CNOT11: variants seen among roughly 807,000 people sequenced by gnomAD.
CNOT11 encodes CCR4-NOT transcription complex subunit 11, also known as UPF0760 protein C2orf29.
In CNOT11, 18 loss-of-function variants were observed where a neutral mutation model predicts 44.6. The observed-to-expected ratio is 0.40, with a 90% CI of 0.28 to 0.60. CNOT11 has a LOEUF of 0.60. Among genes scored for constraint, CNOT11 ranks in the 20% least tolerant of loss-of-function variants. The pLI, the probability that CNOT11 is intolerant of heterozygous loss-of-function variation, is 0.38. For synonymous variants in CNOT11, 291 were observed against 270.9 expected (o/e 1.07, Z -0.73); for missense variants, 513 against 677.0 (o/e 0.76, Z 2.69).
At chr2:101,261,849 T>C (rs923364132) in intron 2 of CNOT11, among the ~76,000 whole-genome samples, 8 of 141,788 alleles carry the variant, frequency 5.6e-5, no homozygotes, top group Admixed American at 1.4e-4. Flanking sequence ...TCTTTCTTTT[T>C]TTTTTTTTTT....
At chr2:101,254,862 AAACACAC>A (rs1681703895) in intron 1 of CNOT11, among the ~76,000 whole-genome samples, 1 of 141,410 alleles carries the variant, frequency 7.1e-6, no homozygotes, top group South Asian at 2.3e-4. Flanking sequence ...GACAGCTTCT[AAACACAC>A]ACACACACAC....
At chr2:101,261,115 GAATTAT>G (rs1315045632) in intron 2 of CNOT11, among the ~76,000 whole-genome samples, 14 of 152,046 alleles carry the variant, frequency 9.2e-5, no homozygotes, top group Non-Finnish European at 1.8e-4. Context: ...CTTTTTAAAG[GAATTAT>G]AATTAAGTGA....
chr2:101,265,035 C>G lies in CNOT11; in HGVS notation c.1023C>G (p.Pro341=), dbSNP rs1279046276. 3 of 1,610,524 alleles carry G rather than the reference C, an allele frequency of 1.9e-6. No individual in the cohort carries two copies. Among genetic ancestry groups the G allele is most frequent in the Non-Finnish European group, 2.5e-6 (3 of 1,177,040 alleles). ...CCTTCAAAAGCCCCTTATCCTCTCCCCAACAAACACAGGTGTGTATTGATT... is the reference window on the plus strand; with the variant it reads ...CCTTCAAAAGCCCCTTATCCTCTCCGCAACAAACACAGGTGTGTATTGATT... The part of the protein sequence containing the change: ...AKAFKSPLSS[P]QQTQLLGELE... Residue 341 remains proline (P), a synonymous_variant, in exon 4 of 7, where the codon CCC becomes CCG. Transcript: ENST00000289382.
intron 5 of CNOT11, 40 bp downstream of exon 5, chr2:101,266,919 C>A: frequency 6.8e-7 from 1 of 1,460,132 alleles, no homozygotes; most frequent in Non-Finnish European, 9.6e-7. Flanking sequence ...GGGATAGATA[C>A]AGATTAGATG....
intron 2 of CNOT11, among the ~76,000 whole-genome samples, chr2:101,259,855 T>C (rs769221385): frequency 6.6e-6 from 1 of 151,764 alleles, no homozygotes; most frequent in Admixed American, 6.6e-5. Flanking sequence ...CTGGGCAACA[T>C]AGGGAGACCC....
At chr2:101,261,848 T>C (rs553197449) in intron 2 of CNOT11, among the ~76,000 whole-genome samples, 81 of 141,104 alleles carry the variant, frequency 5.7e-4, no homozygotes, top group Admixed American at 7.2e-4. Context: ...TTCTTTCTTT[T>C]TTTTTTTTTT....
At chr2:101,255,422 G>C (rs1013788619) in intron 1 of CNOT11, among the ~76,000 whole-genome samples, 5 of 152,044 alleles carry the variant, frequency 3.3e-5, no homozygotes, top group African/African-American at 1.2e-4. Flanking sequence ...GTGAACCTGG[G>C]AGGCGGAGCT....
intron 2 of CNOT11, among the ~76,000 whole-genome samples, chr2:101,260,978 C>A (rs945171275): frequency 6.6e-6 from 1 of 152,064 alleles, no homozygotes; most frequent in Non-Finnish European, 1.5e-5. Flanking sequence ...TCTAAGGCAT[C>A]TTTTCATATG....
Position 101,253,283 on chromosome 2 carries a change from G to T in CNOT11, c.319G>T (p.Val107Leu), listed in dbSNP as rs765244782. 6.2e-7 allele frequency: 1 copy of T among 1,611,664 alleles called. No individual in the cohort carries two copies. Among genetic ancestry groups the T allele is most frequent in the Non-Finnish European group, 8.5e-7 (1 of 1,179,628 alleles). Residue 107 changes from valine (V) to leucine (L), a missense_variant, in exon 1 of 7, where the codon GTG becomes TTG. Physicochemically the swap from Val to Leu is conservative, Grantham distance 32 (BLOSUM62 1). Around this residue, in one of 4 missense-constraint regions of CNOT11, gnomAD observed 259 missense variants for 265.7 expected, o/e 0.97. Coordinates refer to ENST00000289382, the MANE Select transcript of CNOT11 (RefSeq NM_017546.5). This position sits in a 1 kb window ranked among gnomAD's most constrained non-coding sequence, Gnocchi z 4.3. Reference sequence around the variant, plus strand: ...GGCCGACCACTTCCGCCTGGGCTCGGTGCTCGTCATGCTGCTCCAGCAGCC... The same window carrying T: ...GGCCGACCACTTCCGCCTGGGCTCGTTGCTCGTCATGCTGCTCCAGCAGCC... ...SKADHFRLGS[V>L]LVMLLQQPDL...
rs34000200 is a variant in CNOT11 at position 101,256,136 on chromosome 2, C to CAAA, written c.515-1643_515-1641dup. 4.5e-3 allele frequency among the ~76,000 whole-genome samples: 630 copies of CAAA among 138,644 alleles called. 2 individuals are homozygous for CAAA. The highest frequency in any genetic ancestry group is 0.016 in the African/African-American group (587 of 37,540). 91.0% of individuals were successfully genotyped at this position (138,644 alleles called of 152,430 possible). On this transcript the variant is annotated intron_variant, in intron 1 of 6. Coordinates refer to ENST00000289382, the MANE Select transcript of CNOT11 (RefSeq NM_017546.5). ...CCTGAGCAACAGAGTGAGACTGCCTCAAAAAAAAAAAAAATAGTGTAGAAG... is the reference window on the plus strand; with the variant it reads ...CCTGAGCAACAGAGTGAGACTGCCTCAAAAAAAAAAAAAAAAATAGTGTAGAAG...
chr2:101,253,290 T>A lies in CNOT11; in HGVS notation c.326T>A (p.Val109Asp), dbSNP rs1681665633. The change falls in exon 1 of 7, where the codon GTC becomes GAC. Residue 109 changes from valine to aspartate, a missense_variant. Coordinates refer to ENST00000289382, the MANE Select transcript of CNOT11 (RefSeq NM_017546.5). The surrounding 1 kb of genome is among the most constrained non-coding windows in gnomAD (Gnocchi z 4.3). The stretch of plus-strand genomic sequence containing the variant: ...CACTTCCGCCTGGGCTCGGTGCTCG[T>A]CATGCTGCTCCAGCAGCCCGACCTG... Reference protein sequence around the residue: ...ADHFRLGSVLVMLLQQPDLLP... With the variant: ...ADHFRLGSVLDMLLQQPDLLP... 2 of 1,611,092 alleles carry A rather than the reference T, an allele frequency of 1.2e-6. No homozygotes were observed. Among genetic ancestry groups the A allele is most frequent in the Non-Finnish European group, 1.7e-6 (2 of 1,179,532 alleles).
intron 2 of CNOT11, among the ~76,000 whole-genome samples, chr2:101,259,119 G>A (rs1318271129): frequency 6.6e-6 from 1 of 152,104 alleles, no homozygotes; most frequent in East Asian, 1.9e-4. Flanking sequence ...GCACAATATC[G>A]TGAGACCTGT....
chr2:101,264,429 A>G lies in CNOT11; in HGVS notation c.833-416A>G, dbSNP rs540431235. Reference sequence around the variant, plus strand: ...AAGATGCAAAGATAAAACTAGTACAAATCATAGTGGCAGCTGAACAAATAG... The same window carrying G: ...AAGATGCAAAGATAAAACTAGTACAGATCATAGTGGCAGCTGAACAAATAG... On this transcript the variant is annotated intron_variant, in intron 3 of 6. Transcript: ENST00000289382. Among the ~76,000 whole-genome samples, 196 of 152,332 alleles carry G rather than the reference A, an allele frequency of 1.3e-3. 1 individual carries two copies. The highest frequency in any genetic ancestry group is 1.8e-3 in the African/African-American group (76 of 41,570).
Position 101,253,079 on chromosome 2 carries a change from G to A in CNOT11, c.115G>A (p.Gly39Ser). 5 of 1,511,474 alleles carry A rather than the reference G, an allele frequency of 3.3e-6. No homozygotes were observed. Among genetic ancestry groups the A allele is most frequent in the Middle Eastern group, 2.1e-4 (1 of 4,728 alleles). 93.6% of individuals were successfully genotyped at this position (1,511,474 alleles called of 1,614,324 possible). Residue 39 changes from glycine to serine, a missense_variant, in exon 1 of 7, where the codon GGC (glycine) becomes AGC (serine). This residue lies in a region of CNOT11 where 259 missense variants were observed against 265.7 expected (regional missense o/e 0.97). Coordinates refer to ENST00000289382, the MANE Select transcript of CNOT11 (RefSeq NM_017546.5). This position sits in a 1 kb window ranked among gnomAD's most constrained non-coding sequence, Gnocchi z 4.3. ...CAGGAGCGGCTTCGGGGGCTCCGGC[G>A]GCGGCAGAGGCGGAGCAAGCGGCCC... is the stretch of plus-strand genomic sequence containing the variant. ...ASRSGFGGSG[G>S]GRGGASGPGS...
intron 5 of CNOT11, among the ~76,000 whole-genome samples, chr2:101,268,000 T>C (rs977476627): frequency 6.6e-6 from 1 of 152,208 alleles, no homozygotes; most frequent in Non-Finnish European, 1.5e-5. Flanking sequence ...ACAGAATGTG[T>C]CCTTTTTTCA....
intron 3 of CNOT11, among the ~76,000 whole-genome samples, chr2:101,263,434 A>T (rs1005301247): frequency 2.6e-5 from 4 of 152,166 alleles, no homozygotes; most frequent in African/African-American, 7.2e-5. Flanking sequence ...TCTTTAAGAG[A>T]TGGAATCTTG....
intron 1 of CNOT11, among the ~76,000 whole-genome samples, chr2:101,255,665 A>G (rs1056930624): frequency 5.9e-5 from 9 of 152,160 alleles, no homozygotes; most frequent in Non-Finnish European, 1.5e-5. Flanking sequence ...TGTCTTCAGA[A>G]TGCTTTTCAG....
intron 3 of CNOT11, among the ~76,000 whole-genome samples, chr2:101,263,822 G>C (rs1681919423): frequency 6.6e-6 from 1 of 152,210 alleles, no homozygotes; most frequent in Admixed American, 6.5e-5. Flanking sequence ...TAGGTCACCA[G>C]GAAGATATAT....
chr2:101,253,131 G>T lies in CNOT11; in HGVS notation c.167G>T (p.Gly56Val). 6.5e-7 allele frequency: 1 copy of T among 1,546,634 alleles called. No individual in the cohort carries two copies. ...GGGTCCGGGAGCGGAGGCCCGGGGG[G>T]CCCCGCGGGCAGGATGAGCTTGACC... Reference protein sequence around the residue: ...GPGSGSGGPGGPAGRMSLTPK... With the variant: ...GPGSGSGGPGVPAGRMSLTPK... Residue 56 changes from glycine to valine, a missense_variant, in exon 1 of 7, where the codon GGC becomes GTC. Physicochemically the swap from Gly to Val is moderately radical, Grantham distance 109. Around this residue, in one of 4 missense-constraint regions of CNOT11, gnomAD observed 259 missense variants for 265.7 expected, o/e 0.97. Transcript: ENST00000289382. The surrounding 1 kb of genome is among the most constrained non-coding windows in gnomAD (Gnocchi z 4.3).
Sources: allele counts gnomAD v4.1 joint callset (sites outside exome capture counted in the v4.1 genomes callset), GRCh38; gene constraint gnomAD v4.1.1; regional missense constraint gnomAD v4.1.1; non-coding constraint Gnocchi (gnomAD v3.1); transcripts MANE v1.5; gene names NCBI Gene and HGNC (gene_info 2026-07-23, HGNC 2026-07-21).